The following INSC variants were observed in gnomAD, a reference collection of about 807,000 sequenced individuals.
The protein encoded by INSC is protein inscuteable homolog.
A neutral mutation model predicts 58.6 loss-of-function variants in INSC; 67 were observed. That is an observed-to-expected ratio of 1.14 (90% confidence interval 0.94 to 1.40). INSC has a LOEUF of 1.40. Ranked by LOEUF, INSC falls within the 40% of genes most tolerant of loss-of-function variation. The pLI is 0.00. For synonymous variants in INSC, 262 were observed against 276.1 expected, an observed-to-expected ratio of 0.95 and a Z score of 0.51; for missense variants, 714 against 692.0, an observed-to-expected ratio of 1.03 and a Z score of -0.36.
At chr11:15,151,227 G>A (rs373372885) in intron 2 of INSC, among the ~76,000 whole-genome samples, 2 of 152,100 alleles carry the variant, frequency 1.3e-5, no homozygotes, top group African/African-American at 4.8e-5. Context: ...TCATAGGAGC[G>A]CGAACCCTAC....
At chr11:15,247,697 G>C (rs1337830881), downstream of INSC, among the ~76,000 whole-genome samples, 8 of 141,204 alleles carry the variant, frequency 5.7e-5, no homozygotes, top group African/African-American at 2.1e-4. Context: ...AAGGTCTTCT[G>C]AGTCCTTATA....
At chr11:15,160,051 G>A (rs971825956) in intron 2 of INSC, among the ~76,000 whole-genome samples, 1 of 152,188 alleles carries the variant, frequency 6.6e-6, no homozygotes, top group Non-Finnish European at 1.5e-5. Flanking sequence ...CATGTAGCAT[G>A]GTGGCTTGTA....
chr11:15,244,826 C>A (rs906731753), intron 12 of INSC, among the ~76,000 whole-genome samples: 1 of 152,164 alleles, frequency 6.6e-6, no homozygotes, highest in South Asian at 2.1e-4. Flanking sequence ...GGAGGGGCAC[C>A]TTGTTCCCTG....
intron 2 of INSC, among the ~76,000 whole-genome samples, chr11:15,156,555 T>A (rs907379137): frequency 2.6e-5 from 4 of 152,184 alleles, no homozygotes; most frequent in Non-Finnish European, 5.9e-5. Flanking sequence ...ATTAAGCCAT[T>A]AAGATTGAAT....
chr11:15,252,246 G>A, the INSC span, among the ~76,000 whole-genome samples: 2 of 152,156 alleles, frequency 1.3e-5, no homozygotes. Context: ...GGGAGTAACT[G>A]CTAATGAATA....
At chr11:15,186,508 A>G (rs1400544147) in intron 5 of INSC, among the ~76,000 whole-genome samples, 1 of 152,176 alleles carries the variant, frequency 6.6e-6, no homozygotes, top group African/African-American at 2.4e-5. Flanking sequence ...ATTGAGAGAA[A>G]CGAAATCAAT....
chr11:15,250,593 T>C (rs548871411), downstream of INSC, among the ~76,000 whole-genome samples: 1 of 152,330 alleles, frequency 6.6e-6, no homozygotes, highest in Non-Finnish European at 1.5e-5. Flanking sequence ...CTTAGGATTA[T>C]GAAGTTTCAC....
At chr11:15,245,673 G>A (rs1852534409) in intron 12 of INSC, among the ~76,000 whole-genome samples, 1 of 152,184 alleles carries the variant, frequency 6.6e-6, no homozygotes, top group Non-Finnish European at 1.5e-5. Context: ...GCTTTCAGAT[G>A]ACATCTATCT....
intron 9 of INSC, among the ~76,000 whole-genome samples, chr11:15,230,017 TATATA>T (rs1851859475): frequency 2.5e-5 from 1 of 40,266 alleles, no homozygotes; most frequent in Non-Finnish European, 4.0e-5. Flanking sequence ...ATATATAATA[TATATA>T]TATATATATA....
downstream of INSC, among the ~76,000 whole-genome samples, chr11:15,251,476 T>A (rs1852648935): frequency 1.3e-5 from 2 of 152,184 alleles, no homozygotes; most frequent in African/African-American, 2.4e-5. Flanking sequence ...AGGCAACTCA[T>A]GGAATAGGCA....
At chr11:15,231,376 A>G (rs755593830) in intron 9 of INSC, among the ~76,000 whole-genome samples, 1 of 152,126 alleles carries the variant, frequency 6.6e-6, no homozygotes, top group Non-Finnish European at 1.5e-5. Flanking sequence ...ATACACTAAC[A>G]CTAACAACAG....
chr11:15,166,274 T>C (rs1380022960), intron 2 of INSC, among the ~76,000 whole-genome samples: 2 of 152,182 alleles, frequency 1.3e-5, no homozygotes, highest in Non-Finnish European at 2.9e-5. Flanking sequence ...ATTGGGGCAA[T>C]GGTTTCTAAG....
At chr11:15,216,264 G>A (rs1042899927) in intron 7 of INSC, among the ~76,000 whole-genome samples, 3 of 152,314 alleles carry the variant, frequency 2.0e-5, no homozygotes, top group South Asian at 2.1e-4. Flanking sequence ...AGGGCAAGAT[G>A]GAGAGAACTG....
At chr11:15,187,394 T>C (rs2133853117) in intron 5 of INSC, among the ~76,000 whole-genome samples, 1 of 152,172 alleles carries the variant, frequency 6.6e-6, no homozygotes, top group East Asian at 1.9e-4. Flanking sequence ...ATCCTGTCAA[T>C]GCTACCTGCA....
chr11:15,142,000 A>G (rs1400533766), intron 1 of INSC, among the ~76,000 whole-genome samples: 1 of 152,136 alleles, frequency 6.6e-6, no homozygotes, highest in African/African-American at 2.4e-5. Context: ...CCTATCACCA[A>G]CAGGACAGAG....
intron 1 of INSC, among the ~76,000 whole-genome samples, chr11:15,125,633 T>C (rs1847975133): frequency 6.6e-6 from 1 of 152,236 alleles, no homozygotes; most frequent in Non-Finnish European, 1.5e-5. Flanking sequence ...TCCATTCCTC[T>C]GTTCGACCCA....
intron 2 of INSC, among the ~76,000 whole-genome samples, chr11:15,150,266 G>A (rs1343690645): frequency 1.3e-5 from 2 of 152,212 alleles, no homozygotes; most frequent in African/African-American, 4.8e-5. Context: ...GTTACAGGAT[G>A]TCAGAAGTGT....
At chr11:15,231,857 C>T (rs552519526) in intron 9 of INSC, among the ~76,000 whole-genome samples, 242 of 152,300 alleles carry the variant, frequency 1.6e-3, no homozygotes, top group African/African-American at 5.5e-3. Context: ...CAAGGGAACA[C>T]AGGCAGAGTC....
chr11:15,142,476 G>A (rs1354470199), intron 1 of INSC, among the ~76,000 whole-genome samples: 1 of 152,204 alleles, frequency 6.6e-6, no homozygotes, highest in East Asian at 1.9e-4. Flanking sequence ...TCAAGTTTCA[G>A]TGTTGCAGTG....
Sources: gnomAD v4.1 joint callset for allele counts (sites outside exome capture counted in the v4.1 genomes callset) on GRCh38, gnomAD v4.1.1 for gene constraint, MANE v1.5 for transcripts, NCBI Gene and HGNC (gene_info 2026-07-23, HGNC 2026-07-21) for gene names.